The following KLF8 variants were observed in gnomAD, a reference collection of about 807,000 sequenced individuals.
The protein encoded by KLF8 is KLF transcription factor 8.
A neutral mutation model predicts 18.2 loss-of-function variants in KLF8; 10 were observed. The ratio of observed to expected loss-of-function variants is 0.55; its 90% CI spans 0.34 to 0.93. The LOEUF (loss-of-function observed/expected upper bound fraction) is 0.93. Among genes scored for constraint, KLF8 ranks in the 40% least tolerant of loss-of-function variants. The probability of loss-of-function intolerance (pLI) is 0.02; values close to 1 mark genes in which losing one functional copy is unlikely to be tolerated. For missense variants in KLF8, 264 were observed against 277.9 expected (o/e 0.95, Z 0.36); for synonymous variants, 109 against 97.3 (o/e 1.12, Z -0.71).
the KLF8 span, among the ~76,000 whole-genome samples, chrX:56,164,727 C>CT: frequency 4.6e-5 from 1 of 21,686 alleles, no homozygotes. Flanking sequence ...TTCTTGTTAT[C>CT]TCTTTTTTTT....
chrX:55,920,897 TTAAAAGTAAAACCCCAAACTA>T, the KLF8 span, among the ~76,000 whole-genome samples: 10 of 111,785 alleles, frequency 8.9e-5, no homozygotes, highest in African/African-American at 3.2e-4. Context: ...ACATCTAAAC[TTAAAAGTAAAACCCCAAACTA>T]TAAAATTCCT....
chrX:56,110,692 T>G, the KLF8 span, among the ~76,000 whole-genome samples: 6 of 111,857 alleles, frequency 5.4e-5, no homozygotes, highest in Non-Finnish European at 1.1e-4. Flanking sequence ...TTTGAATTTA[T>G]GCCAATGTAG....
chrX:55,944,111 C>A, the KLF8 span, among the ~76,000 whole-genome samples: 3 of 111,397 alleles, frequency 2.7e-5, no homozygotes, highest in Non-Finnish European at 5.7e-5. Context: ...GTCTTTGATT[C>A]TGTTTATATG....
the KLF8 span, among the ~76,000 whole-genome samples, chrX:56,211,413 G>A: frequency 8.9e-6 from 1 of 112,462 alleles, no homozygotes; most frequent in Non-Finnish European, 1.9e-5. Flanking sequence ...GCCATCTAAA[G>A]CTGGGAGTGG....
At chrX:56,201,400 C>A in the KLF8 span, among the ~76,000 whole-genome samples, 3 of 111,541 alleles carry the variant, frequency 2.7e-5, no homozygotes, top group Admixed American at 9.6e-5. Flanking sequence ...TTCGATGAAT[C>A]TAAAACAGGC....
In KLF8 at chrX:56,232,522, G is replaced by C. The variant is rs1230154524; in HGVS notation, c.-813G>C. ...GAGAGCACTTTAGGTTCTGACTCGCGTGGGGCGCGAGGTACCCCGTGGGGC... is the reference window on the plus strand; with the variant it reads ...GAGAGCACTTTAGGTTCTGACTCGCCTGGGGCGCGAGGTACCCCGTGGGGC... On this transcript the variant is annotated 5_prime_UTR_variant, in exon 1 of 6. Coordinates refer to ENST00000468660, the MANE Select transcript of KLF8 (RefSeq NM_007250.5). 9.0e-6 allele frequency: 1 copy of C among 111,453 alleles called. No individual in the cohort carries two copies. Among genetic ancestry groups the C allele is most frequent in the Non-Finnish European group, 1.9e-5 (1 of 53,027 alleles). The allele number at this position is 111,453 out of a possible 1,213,427, so 9.2% of individuals were successfully genotyped here.
the KLF8 span, among the ~76,000 whole-genome samples, chrX:56,009,925 G>A: frequency 8.9e-6 from 1 of 111,983 alleles, no homozygotes; most frequent in African/African-American, 3.2e-5. Context: ...ATAATGAAAA[G>A]GAATGAACAA....
the KLF8 span, among the ~76,000 whole-genome samples, chrX:56,083,727 G>A: frequency 9.0e-6 from 1 of 111,469 alleles, no homozygotes; most frequent in African/African-American, 3.3e-5. Flanking sequence ...ATTACTGCCT[G>A]AACTCCGCCT....
the KLF8 span, among the ~76,000 whole-genome samples, chrX:56,066,370 G>A: frequency 2.7e-5 from 3 of 112,245 alleles, no homozygotes; most frequent in African/African-American, 6.5e-5. Context: ...CTGCTCTCAG[G>A]CCCCTCAGTG....
the KLF8 span, among the ~76,000 whole-genome samples, chrX:56,052,936 C>T: frequency 1.8e-5 from 2 of 111,662 alleles, no homozygotes; most frequent in Non-Finnish European, 3.8e-5. Flanking sequence ...GGGCGTAGGA[C>T]CCTCCGAGCC....
chrX:56,182,017 G>A, the KLF8 span, among the ~76,000 whole-genome samples: 1 of 111,624 alleles, frequency 9.0e-6, no homozygotes, highest in Admixed American at 9.5e-5. Flanking sequence ...TGCCTTGCTA[G>A]GTTGAGGAAG....
At chrX:55,908,499 A>G in the KLF8 span, 1 of 297,725 alleles carries the variant, frequency 3.4e-6, no homozygotes, top group Non-Finnish European at 5.9e-6. Context: ...TGCTCTTGAT[A>G]TTGCTAATGC....
the KLF8 span, among the ~76,000 whole-genome samples, chrX:55,977,837 G>T: frequency 1.8e-5 from 2 of 111,140 alleles, no homozygotes; most frequent in Non-Finnish European, 3.8e-5. Flanking sequence ...CCTTTTGGAA[G>T]GGAATTGCAC....
At chrX:56,164,427 G>A in the KLF8 span, among the ~76,000 whole-genome samples, 26 of 89,609 alleles carry the variant, frequency 2.9e-4, no homozygotes, top group Admixed American at 1.4e-4. Flanking sequence ...ATGAGGTCAA[G>A]GAAGATTCCT....
At chrX:55,972,895 C>G in the KLF8 span, among the ~76,000 whole-genome samples, 1 of 111,953 alleles carries the variant, frequency 8.9e-6, no homozygotes, top group East Asian at 2.8e-4. Context: ...CAACAAAGAA[C>G]CTGAATAGCC....
the KLF8 span, among the ~76,000 whole-genome samples, chrX:55,916,303 T>C: frequency 1.8e-5 from 2 of 112,016 alleles, no homozygotes; most frequent in Non-Finnish European, 3.8e-5. Context: ...TTGTGTTCTC[T>C]TGGAAGTTTC....
the KLF8 span, among the ~76,000 whole-genome samples, chrX:56,137,000 A>T: frequency 0.5 from 52,414 of 104,975 alleles, 12,710 homozygotes; most frequent in Non-Finnish European, 0.71. Flanking sequence ...AAACACATGA[A>T]AAAATGCTCA....
the KLF8 span, among the ~76,000 whole-genome samples, chrX:56,022,004 G>A: frequency 9.2e-6 from 1 of 108,891 alleles, no homozygotes; most frequent in Non-Finnish European, 1.9e-5. Flanking sequence ...CAAAGCAAGT[G>A]TCAACCATAT....
chrX:56,272,304 G>A (rs1195354754), intron 5 of KLF8, among the ~76,000 whole-genome samples: 3 of 110,528 alleles, frequency 2.7e-5, no homozygotes, highest in African/African-American at 9.9e-5. Context: ...TCTGCCTCCT[G>A]GGTTCAAGCG....
Sources: allele counts gnomAD v4.1 joint callset (sites outside exome capture counted in the v4.1 genomes callset), GRCh38; gene constraint gnomAD v4.1.1; transcripts MANE v1.5; gene names NCBI Gene and HGNC (gene_info 2026-07-23, HGNC 2026-07-21).